BPIFB4: variants seen among roughly 807,000 people sequenced by gnomAD.
BPIFB4 encodes BPI fold containing family B member 4.
A neutral mutation model predicts 69.2 loss-of-function variants in BPIFB4; 62 were observed. The observed-to-expected ratio is 0.90, with a 90% CI of 0.73 to 1.11. BPIFB4 has a LOEUF of 1.11. BPIFB4 is among the 50% of genes least tolerant of loss of function. The probability of loss-of-function intolerance (pLI) is 0.00; values close to 1 mark genes in which losing one functional copy is unlikely to be tolerated. For synonymous variants in BPIFB4, 330 were observed against 332.7 expected (o/e 0.99, Z 0.09); for missense variants, 789 against 792.0 (o/e 1.00, Z 0.04).
At chr20:33,106,198 A>G (rs527469791) in intron 16 of BPIFB4, among the ~76,000 whole-genome samples, 7 of 152,204 alleles carry the variant, frequency 4.6e-5, no homozygotes, top group African/African-American at 1.7e-4. Context: ...TTTCTAGAAC[A>G]GTAATTAGCA....
intron 17 of BPIFB4, among the ~76,000 whole-genome samples, chr20:33,108,539 C>G (rs1336659800): frequency 4.6e-5 from 7 of 150,962 alleles, no homozygotes; most frequent in Middle Eastern, 3.4e-3. Flanking sequence ...CTCAGGGAAT[C>G]AGTAGAGCAT....
At chr20:33,089,731 C>CG (rs1008495480) in intron 9 of BPIFB4, among the ~76,000 whole-genome samples, 173 bp downstream of exon 9, 2 of 65,150 alleles carry the variant, frequency 3.1e-5, no homozygotes, top group African/African-American at 1.3e-4. Context: ...TCCCAAACAC[C>CG]CCCCCCGAGT....
intron 16 of BPIFB4, 105 bp from the exon 17 acceptor site, chr20:33,107,639 A>T: frequency 1.1e-6 from 1 of 873,536 alleles, no homozygotes; most frequent in South Asian, 1.4e-5. Context: ...CTGTCTCAAA[A>T]AAAGAAAAAA....
At chr20:33,095,015 T>G in intron 11 of BPIFB4, 85 bp from the exon 12 acceptor site, 1 of 1,307,732 alleles carries the variant, frequency 7.6e-7, no homozygotes, top group Non-Finnish European at 1.1e-6. Flanking sequence ...TTGTAAAGCA[T>G]GTAGGAGTTT....
chr20:33,088,236 G>A (rs1981491807), intron 7 of BPIFB4, among the ~76,000 whole-genome samples: 2 of 151,858 alleles, frequency 1.3e-5, no homozygotes, highest in Non-Finnish European at 2.9e-5. Flanking sequence ...AGATACTCAG[G>A]AGGCTGAGGC....
intron 17 of BPIFB4, among the ~76,000 whole-genome samples, chr20:33,109,451 G>A (rs1982174252): frequency 6.6e-6 from 1 of 152,088 alleles, no homozygotes; most frequent in African/African-American, 2.4e-5. Flanking sequence ...AAGGACTTGA[G>A]TATCAGAGAG....
chr20:33,089,728 C>CA (rs1981543671), intron 9 of BPIFB4, among the ~76,000 whole-genome samples, 170 bp downstream of exon 9: 1 of 70,826 alleles, frequency 1.4e-5, no homozygotes, highest in South Asian at 6.0e-4. Flanking sequence ...TGCTCCCAAA[C>CA]ACCCCCCCCG....
intron 17 of BPIFB4, among the ~76,000 whole-genome samples, chr20:33,109,214 G>A (rs1470869779): frequency 1.3e-5 from 2 of 152,144 alleles, no homozygotes; most frequent in Non-Finnish European, 2.9e-5. Context: ...ACGAGATACA[G>A]CATTTTATTA....
intron 10 of BPIFB4, among the ~76,000 whole-genome samples, chr20:33,091,473 A>G (rs187877498): frequency 6.6e-6 from 1 of 152,338 alleles, no homozygotes; most frequent in Admixed American, 6.5e-5. Context: ...GCACGCACAC[A>G]TATGTACTTT....
At chr20:33,104,592 G>A in intron 15 of BPIFB4, 1 of 515,112 alleles carries the variant, frequency 1.9e-6, no homozygotes, top group South Asian at 2.8e-5. Flanking sequence ...CCCATGCTGG[G>A]CCTCAGTCTG....
chr20:33,082,389 A>G (rs1287069628), intron 3 of BPIFB4, among the ~76,000 whole-genome samples: 1 of 152,086 alleles, frequency 6.6e-6, no homozygotes, highest in Non-Finnish European at 1.5e-5. Context: ...GCTGGAGTGC[A>G]ATGGTGCGAT....
chr20:33,089,904 A>C (rs577476813), intron 9 of BPIFB4, among the ~76,000 whole-genome samples: 2 of 151,604 alleles, frequency 1.3e-5, no homozygotes, highest in Non-Finnish European at 2.9e-5. Flanking sequence ...ACTTGGAGAG[A>C]CTCTTCCCAG....
chr20:33,083,303 G>A, intron 4 of BPIFB4, 64 bp from the exon 5 acceptor site: 3 of 1,532,220 alleles, frequency 2.0e-6, no homozygotes, highest in Non-Finnish European at 2.7e-6. Flanking sequence ...TGGCAGTGGT[G>A]GTGGTCTTTT....
At chr20:33,085,989 C>T in intron 6 of BPIFB4, 32 bp from the exon 7 acceptor site, 9 of 1,587,664 alleles carry the variant, frequency 5.7e-6, no homozygotes, top group Non-Finnish European at 7.8e-6. Context: ...GGGGGTGACT[C>T]ATGGTCTCCC....
At chr20:33,106,698 ATAAT>A (rs952219779) in intron 16 of BPIFB4, among the ~76,000 whole-genome samples, 1 of 152,130 alleles carries the variant, frequency 6.6e-6, no homozygotes, top group African/African-American at 2.4e-5. Flanking sequence ...ACAGAAACAG[ATAAT>A]TAATATTTTA....
intron 13 of BPIFB4, among the ~76,000 whole-genome samples, chr20:33,098,859 C>A (rs541963384): frequency 7.4e-4 from 113 of 152,256 alleles, no homozygotes; most frequent in Middle Eastern, 3.4e-3. Context: ...CCCCTCATCA[C>A]CTCTGAGCTC....
At chr20:33,108,994 C>G (rs1344908385) in intron 17 of BPIFB4, among the ~76,000 whole-genome samples, 1 of 152,130 alleles carries the variant, frequency 6.6e-6, no homozygotes, top group Non-Finnish European at 1.5e-5. Context: ...AGCCCCCTTC[C>G]CACATTAGGG....
rs76070608 is a variant in BPIFB4 at position 33,088,512 on chromosome 20, C to T, written c.927-454C>T. 4.0e-4 allele frequency among the ~76,000 whole-genome samples: 61 copies of T among 152,244 alleles called. 1 individual carries two copies. In the East Asian group the frequency reaches 0.012, roughly 29 times the overall value. Reference sequence around the variant, plus strand: ...ATTTTATTGGCCAGTATTTCTCCTTCCCTCCCTTCCACAAACATTTACTGA... The same window carrying T: ...ATTTTATTGGCCAGTATTTCTCCTTTCCTCCCTTCCACAAACATTTACTGA... On this transcript the variant is annotated intron_variant, in intron 7 of 17. Coordinates refer to ENST00000375483, the MANE Select transcript of BPIFB4 (RefSeq NM_182519.3).
chr20:33,083,767 G>C lies in BPIFB4; in HGVS notation c.570G>C (p.Leu190=), dbSNP rs1361887053. The C allele has an allele frequency of 6.2e-7, 1 of 1,613,890 alleles. No individual in the cohort carries two copies. The highest frequency in any genetic ancestry group is 1.3e-5 in the African/African-American group (1 of 75,018). Residue 190 remains leucine, a synonymous_variant, in exon 5 of 18, where the codon CTG becomes CTC. Transcript: ENST00000375483. The part of the protein sequence containing the change: ...ADGILAGQGG[L]LGGGGLLGDG... ...GCATCCTCGCAGGCCAAGGTGGCCT[G>C]CTCGGCGGAGGTGGTCTCCTTGGTG...
Sources: gnomAD v4.1 joint callset for allele counts (sites outside exome capture counted in the v4.1 genomes callset) on GRCh38, gnomAD v4.1.1 for gene constraint, MANE v1.5 for transcripts, NCBI Gene and HGNC (gene_info 2026-07-23, HGNC 2026-07-21) for gene names.